Variants in RSRC1 observed in about 807,000 individuals in gnomAD.
RSRC1 encodes arginine and serine rich coiled-coil 1.
RSRC1 carries 39 observed loss-of-function variants against 49.1 expected under a neutral mutation model. The observed-to-expected ratio is 0.79, with a 90% CI of 0.61 to 1.04. The LOEUF (loss-of-function observed/expected upper bound fraction) is 1.04. Among genes scored for constraint, RSRC1 ranks in the 50% least tolerant of loss-of-function variants. The pLI, the probability that RSRC1 is intolerant of heterozygous loss-of-function variation, is 0.00. For missense variants in RSRC1, 388 were observed against 402.4 expected, an observed-to-expected ratio of 0.96 and a Z score of 0.31; for synonymous variants, 143 against 130.8, an observed-to-expected ratio of 1.09 and a Z score of -0.63.
chr3:158,387,280 C>T (rs9829790), intron 6 of RSRC1, among the ~76,000 whole-genome samples: 11,217 of 152,098 alleles, frequency 0.074, 1,427 homozygotes, highest in African/African-American at 0.26. Flanking sequence ...TTCCTATCTC[C>T]CTTTGGGATT....
intron 3 of RSRC1, among the ~76,000 whole-genome samples, chr3:158,129,075 A>G (rs1388073810): frequency 6.6e-6 from 1 of 152,024 alleles, no homozygotes; most frequent in African/African-American, 2.4e-5. Context: ...TAGTTGATAG[A>G]TATCTTGGGA....
chr3:158,347,582 C>G (rs1560004240), intron 5 of RSRC1, among the ~76,000 whole-genome samples: 5 of 152,120 alleles, frequency 3.3e-5, no homozygotes. Flanking sequence ...GAGTCTTACT[C>G]TGTCTGGAGG....
At chr3:158,375,029 T>C (rs967659839) in intron 6 of RSRC1, among the ~76,000 whole-genome samples, 2 of 152,004 alleles carry the variant, frequency 1.3e-5, no homozygotes, top group South Asian at 2.1e-4. Flanking sequence ...TGCATAGTAA[T>C]TTGGAAAGGT....
At chr3:158,408,461 A>C (rs1734265379) in intron 6 of RSRC1, among the ~76,000 whole-genome samples, 1 of 152,170 alleles carries the variant, frequency 6.6e-6, no homozygotes, top group South Asian at 2.1e-4. Context: ...AAAAACACTA[A>C]CTTATGAACT....
At chr3:158,350,127 TTTTG>T (rs60986930) in intron 5 of RSRC1, among the ~76,000 whole-genome samples, 6,114 of 150,556 alleles carry the variant, frequency 0.041, 433 homozygotes, top group African/African-American at 0.14. Flanking sequence ...GGGTGTTGGT[TTTTG>T]TTTGTCTGTT....
chr3:158,204,284 G>A (rs1218765147), intron 4 of RSRC1, among the ~76,000 whole-genome samples: 1 of 152,020 alleles, frequency 6.6e-6, no homozygotes, highest in Non-Finnish European at 1.5e-5. Flanking sequence ...ATATAAATCT[G>A]CCTAGATTGT....
rs34038052 is a variant in RSRC1 at position 158,539,107 on chromosome 3, AT to A, written c.759+1912del. Among the ~76,000 whole-genome samples the A allele has an allele frequency of 0.51, 76,576 of 151,618 alleles. 19,743 individuals are homozygous for A. The highest frequency in any genetic ancestry group is 0.61 in the African/African-American group (25,066 of 41,384). On this transcript the variant is annotated intron_variant, in intron 8 of 9. Transcript: ENST00000611884. The surrounding 1 kb of genome is among the most constrained non-coding windows in gnomAD (Gnocchi z 4.1). The stretch of plus-strand genomic sequence containing the variant: ...GGACTATCCCTAATGCATAGCAAGG[AT>A]TTAACTCTCTTGAGGACTGAGTTAC...
chr3:158,253,168 G>T (rs538178645), intron 4 of RSRC1, among the ~76,000 whole-genome samples: 1 of 151,810 alleles, frequency 6.6e-6, no homozygotes, highest in African/African-American at 2.4e-5. Flanking sequence ...TCGCTGGCTT[G>T]TTAAAGCTTT....
intron 6 of RSRC1, among the ~76,000 whole-genome samples, chr3:158,450,145 G>A (rs978642691): frequency 7.2e-5 from 11 of 151,898 alleles, no homozygotes; most frequent in South Asian, 2.1e-4. Context: ...CAGTGATTAG[G>A]AACAATGATA....
intron 7 of RSRC1, among the ~76,000 whole-genome samples, chr3:158,511,646 G>C (rs1483665195): frequency 1.3e-5 from 2 of 152,126 alleles, no homozygotes; most frequent in African/African-American, 4.8e-5. Context: ...CCAGTAATAG[G>C]ATGGCTGGGT....
chr3:158,468,064 G>A (rs1397259461), intron 7 of RSRC1, among the ~76,000 whole-genome samples: 6 of 152,118 alleles, frequency 3.9e-5, no homozygotes, highest in African/African-American at 1.2e-4. Context: ...CTCCCGAGTC[G>A]CTGGTACTAC....
intron 4 of RSRC1, among the ~76,000 whole-genome samples, chr3:158,266,333 G>C (rs1181974395): frequency 1.3e-5 from 2 of 149,128 alleles, no homozygotes; most frequent in Non-Finnish European, 3.0e-5. Context: ...TTCTAGTAAA[G>C]ACATTTAAGG....
At chr3:158,287,974 G>GA (rs1452667602) in intron 4 of RSRC1, among the ~76,000 whole-genome samples, 2 of 152,258 alleles carry the variant, frequency 1.3e-5, no homozygotes, top group South Asian at 4.1e-4. Context: ...TGCATACCAG[G>GA]ATATACTGTT....
intron 4 of RSRC1, among the ~76,000 whole-genome samples, chr3:158,236,903 G>T (rs539394468): frequency 9.9e-4 from 150 of 152,258 alleles, no homozygotes; most frequent in Non-Finnish European, 1.9e-3. Flanking sequence ...ACGGGGAGCT[G>T]CCAGTCTCTG....
At chr3:158,533,388 G>C (rs889402308) in intron 7 of RSRC1, among the ~76,000 whole-genome samples, 1 of 151,724 alleles carries the variant, frequency 6.6e-6, no homozygotes, top group South Asian at 2.1e-4. Context: ...CAAAGATAAT[G>C]ATGTTTTTCT....
intron 7 of RSRC1, among the ~76,000 whole-genome samples, chr3:158,472,239 C>T (rs1738168457): frequency 6.6e-6 from 1 of 151,994 alleles, no homozygotes; most frequent in African/African-American, 2.4e-5. Context: ...TGCTACTGAA[C>T]AACACCTACT....
At position 158,228,088 on chromosome 3, in the gene RSRC1, G is replaced by A. The variant is rs188605203; in HGVS notation, c.494+24843G>A. On this transcript the variant is annotated intron_variant, in intron 4 of 9. Coordinates refer to ENST00000611884, the MANE Select transcript of RSRC1 (RefSeq NM_001271838.2). ...AGTTTATTCAAAAATTAAATTCATC[G>A]ATTTGAATCAAGGAAGTAATTAGAA... 1.9e-4 allele frequency among the ~76,000 whole-genome samples: 29 copies of A among 151,980 alleles called. No homozygotes were observed. The East Asian group carries it at 3.1e-3, about 16-fold the overall frequency.
At chr3:158,509,636 A>C (rs986059227) in intron 7 of RSRC1, among the ~76,000 whole-genome samples, 1 of 152,186 alleles carries the variant, frequency 6.6e-6, no homozygotes, top group African/African-American at 2.4e-5. Context: ...TATTATATTA[A>C]TATTTTACAA....
At chr3:158,455,981 A>G (rs1179183125) in intron 6 of RSRC1, among the ~76,000 whole-genome samples, 2 of 30,684 alleles carry the variant, frequency 6.5e-5, no homozygotes, top group African/African-American at 5.6e-4. Context: ...CTCCATCTCA[A>G]AAAAAAAAAA....
Sources: allele counts gnomAD v4.1 joint callset (sites outside exome capture counted in the v4.1 genomes callset), GRCh38; gene constraint gnomAD v4.1.1; non-coding constraint Gnocchi (gnomAD v3.1); transcripts MANE v1.5; gene names NCBI Gene and HGNC (gene_info 2026-07-23, HGNC 2026-07-21).